LINGO2: variants seen among roughly 807,000 people sequenced by gnomAD.
The protein encoded by LINGO2 is leucine-rich repeat and immunoglobulin-like domain-containing nogo receptor-interacting protein 2.
Under a neutral mutation model 30.6 loss-of-function variants are expected in LINGO2, and 14 were observed. The ratio of observed to expected loss-of-function variants is 0.46; its 90% CI spans 0.30 to 0.72. The LOEUF is 0.72. Among genes scored for constraint, LINGO2 ranks in the 30% least tolerant of loss-of-function variants. The pLI, the probability that LINGO2 is intolerant of heterozygous loss-of-function variation, is 0.07. For synonymous variants in LINGO2, 317 were observed against 288.5 expected (o/e 1.10, Z -1.00); for missense variants, 729 against 751.7 (o/e 0.97, Z 0.35).
intron 4 of LINGO2, among the ~76,000 whole-genome samples, chr9:28,167,708 G>A (rs117322050): frequency 2.9e-3 from 438 of 152,240 alleles, no homozygotes; most frequent in Admixed American, 6.0e-3. Flanking sequence ...TTTTAAAGCA[G>A]TTGTTTTCTA....
rs913267606 is a variant in LINGO2, at chr9:28,175,275, G to A, written c.-87+119933C>T. On this transcript the variant is annotated intron_variant, in intron 4 of 5. Transcript: ENST00000379992. ...TGGAGGCACCCACAAACTTTCTCAG[G>A]CAAATGCAGGTGATCTTCAAGATGC... Among the ~76,000 whole-genome samples the A allele has an allele frequency of 3.3e-5, 5 of 152,064 alleles. No individual in the cohort carries two copies. In the East Asian group the frequency reaches 7.8e-4, roughly 24 times the overall value.
At chr9:27,953,386 G>A (rs532597631) in intron 5 of LINGO2, among the ~76,000 whole-genome samples, 207 of 152,212 alleles carry the variant, frequency 1.4e-3, no homozygotes, top group Non-Finnish European at 2.3e-3. Context: ...TAGGAATTTA[G>A]TTATATAAGT....
intron 4 of LINGO2, among the ~76,000 whole-genome samples, chr9:28,201,070 T>A (rs1025233572): frequency 1.3e-5 from 2 of 149,468 alleles, no homozygotes; most frequent in Non-Finnish European, 3.0e-5. Context: ...TTTCTTGATA[T>A]CTTTTTTCTT....
At chr9:28,052,200 A>C (rs1026586515) in intron 4 of LINGO2, among the ~76,000 whole-genome samples, 2 of 152,258 alleles carry the variant, frequency 1.3e-5, no homozygotes, top group Admixed American at 1.3e-4. Context: ...AAGAAAACCA[A>C]AATATTCCTA....
chr9:28,287,246 A>T (rs1024516387), intron 4 of LINGO2, among the ~76,000 whole-genome samples: 2 of 152,204 alleles, frequency 1.3e-5, no homozygotes, highest in African/African-American at 4.8e-5. Context: ...ACTACTACGG[A>T]GCCGTACAAC....
chr9:28,057,191 AT>A (rs1411981818), intron 4 of LINGO2, among the ~76,000 whole-genome samples: 1 of 151,874 alleles, frequency 6.6e-6, no homozygotes, highest in East Asian at 1.9e-4. Flanking sequence ...TGGCTACACT[AT>A]TTTTTTCTGA....
intron 1 of LINGO2, among the ~76,000 whole-genome samples, chr9:28,586,613 C>A (rs1283887929): frequency 6.6e-6 from 1 of 151,958 alleles, no homozygotes; most frequent in Non-Finnish European, 1.5e-5. Context: ...GGTATTTAGT[C>A]TTCCCAAATA....
At chr9:28,390,540 G>A (rs1304384902) in intron 2 of LINGO2, among the ~76,000 whole-genome samples, 1 of 150,686 alleles carries the variant, frequency 6.6e-6, no homozygotes, top group African/African-American at 2.4e-5. Context: ...TACACACAGA[G>A]CAGAAATAGG....
the LINGO2 span, among the ~76,000 whole-genome samples, chr9:29,007,462 A>C: frequency 2.6e-5 from 4 of 152,230 alleles, no homozygotes; most frequent in Middle Eastern, 3.4e-3. Flanking sequence ...GTTTAAATAT[A>C]TATAGCAGAT....
chr9:29,176,951 G>T, the LINGO2 span, among the ~76,000 whole-genome samples: 1 of 152,258 alleles, frequency 6.6e-6, no homozygotes, highest in East Asian at 1.9e-4. Flanking sequence ...CACCGAAAAG[G>T]ATTGGGTGTT....
intron 4 of LINGO2, among the ~76,000 whole-genome samples, chr9:28,224,331 C>T (rs574181284): frequency 5.9e-5 from 9 of 152,102 alleles, no homozygotes; most frequent in African/African-American, 7.2e-5. Flanking sequence ...CCCAAAGTGC[C>T]GGGATTACAG....
intron 2 of LINGO2, among the ~76,000 whole-genome samples, chr9:28,402,969 T>C (rs1281412258): frequency 6.6e-6 from 1 of 152,150 alleles, no homozygotes; most frequent in African/African-American, 2.4e-5. Flanking sequence ...GAAAAGCAAG[T>C]TACTAGGCTT....
At chr9:29,100,240 CTG>C in the LINGO2 span, among the ~76,000 whole-genome samples, 1 of 152,154 alleles carries the variant, frequency 6.6e-6, no homozygotes, top group East Asian at 1.9e-4. Flanking sequence ...GAAGAGTGAT[CTG>C]TGTGAGAGGA....
At chr9:28,321,782 C>A (rs985521934) in intron 3 of LINGO2, among the ~76,000 whole-genome samples, 2 of 152,054 alleles carry the variant, frequency 1.3e-5, no homozygotes, top group Non-Finnish European at 2.9e-5. Flanking sequence ...TAGGTCATGT[C>A]CTGGGTTGGG....
intron 1 of LINGO2, among the ~76,000 whole-genome samples, chr9:28,548,344 C>T (rs1010205005): frequency 6.6e-6 from 1 of 152,008 alleles, no homozygotes; most frequent in Admixed American, 6.6e-5. Flanking sequence ...ACACAGTAAA[C>T]GTAGTTACAC....
chr9:28,910,775 T>A, the LINGO2 span, among the ~76,000 whole-genome samples: 1 of 151,984 alleles, frequency 6.6e-6, no homozygotes, highest in Non-Finnish European at 1.5e-5. Flanking sequence ...CTTTATAAAT[T>A]ACCCAGTCTC....
chr9:28,052,280 T>G (rs1268575069), intron 4 of LINGO2, among the ~76,000 whole-genome samples: 1 of 152,092 alleles, frequency 6.6e-6, no homozygotes. Context: ...AAACTAGCCG[T>G]GAGAATGGCA....
At chr9:28,945,393 C>T in the LINGO2 span, among the ~76,000 whole-genome samples, 21 of 152,052 alleles carry the variant, frequency 1.4e-4, no homozygotes, top group East Asian at 5.8e-4. Context: ...TTTATAAGTA[C>T]GTGGAATCAA....
At chr9:29,047,232 AG>A in the LINGO2 span, among the ~76,000 whole-genome samples, 1 of 152,082 alleles carries the variant, frequency 6.6e-6, no homozygotes, top group Non-Finnish European at 1.5e-5. Flanking sequence ...CCCATTAAAA[AG>A]TGGGCAAAGG....
Sources: allele counts gnomAD v4.1 joint callset (sites outside exome capture counted in the v4.1 genomes callset), GRCh38; gene constraint gnomAD v4.1.1; transcripts MANE v1.5; gene names NCBI Gene and HGNC (gene_info 2026-07-23, HGNC 2026-07-21).